TEK: variants seen among roughly 807,000 people sequenced by gnomAD.
TEK encodes the protein TEK receptor tyrosine kinase, also known as angiopoietin-1 receptor.
Under a neutral mutation model 131.8 loss-of-function variants are expected in TEK, and 43 were observed. The observed-to-expected ratio is 0.33, with a 90% CI of 0.26 to 0.42. The LOEUF (loss-of-function observed/expected upper bound fraction) is 0.42. TEK is among the 10% of genes least tolerant of loss of function. The pLI, the probability that TEK is intolerant of heterozygous loss-of-function variation, is 1.00. For synonymous variants in TEK, 580 were observed against 491.6 expected (o/e 1.18, Z -2.38); for missense variants, 1,162 against 1,384.4 (o/e 0.84, Z 2.55).
At chr9:27,221,672 C>T (rs1027719457) in intron 21 of TEK, among the ~76,000 whole-genome samples, 3 of 152,104 alleles carry the variant, frequency 2.0e-5, no homozygotes, top group African/African-American at 4.8e-5. Flanking sequence ...AGCACAGGGG[C>T]CTGACTATTA....
At chr9:27,135,027 C>T (rs976639580) in intron 1 of TEK, among the ~76,000 whole-genome samples, 22 of 152,126 alleles carry the variant, frequency 1.4e-4, no homozygotes, top group African/African-American at 5.3e-4. Flanking sequence ...GCGTTGAAGA[C>T]CAGCCTGCCC....
At chr9:27,172,866 TG>T in intron 5 of TEK, 119 bp downstream of exon 5, 1 of 1,362,470 alleles carries the variant, frequency 7.3e-7, no homozygotes, top group South Asian at 1.2e-5. Context: ...TTAGGTCAGA[TG>T]GTACCTGTGT....
chr9:27,206,936 C>A, intron 15 of TEK, 144 bp downstream of exon 15: 1 of 919,760 alleles, frequency 1.1e-6, no homozygotes, highest in Non-Finnish European at 1.7e-6. Flanking sequence ...GTTATGCTTC[C>A]TTTGAAGTTG....
At chr9:27,220,280 C>G (rs1826010135) in intron 21 of TEK, 135 bp downstream of exon 21, 10 of 750,344 alleles carry the variant, frequency 1.3e-5, no homozygotes, top group Admixed American at 2.1e-5. Context: ...AAATAGGAAC[C>G]CCTCCCCTTT....
At chr9:27,137,757 C>G (rs532294806) in intron 1 of TEK, among the ~76,000 whole-genome samples, 4 of 152,286 alleles carry the variant, frequency 2.6e-5, no homozygotes, top group African/African-American at 9.6e-5. Context: ...CTACCCACAC[C>G]TAAGAACATC....
At position 27,192,771 on chromosome 9, in the gene TEK, A is replaced by G. The variant is rs552738247; in HGVS notation, c.1624+148A>G. On this transcript the variant is annotated intron_variant, in intron 11 of 22. Transcript: ENST00000380036. ...GAGTTCGCTTTTGAATGGGTGGGAA[A>G]GTGACAGGAAGGCTAGCAACTTCAA... 5 of 833,114 alleles carry G rather than the reference A, an allele frequency of 6.0e-6. No individual in the cohort carries two copies. The East Asian group carries it at 1.3e-4, about 22-fold the overall frequency. 51.6% of individuals were successfully genotyped at this position (833,114 alleles called of 1,614,324 possible). A position where few individuals can be genotyped will look rare whatever the true frequency, so the allele number is the denominator to read the frequency against.
intron 2 of TEK, among the ~76,000 whole-genome samples, chr9:27,165,763 A>T (rs1823706181): frequency 6.6e-6 from 1 of 152,210 alleles, no homozygotes. Flanking sequence ...CAGCGCTCGC[A>T]CTGCTGGAAT....
chr9:27,177,682 G>A (rs1824221136), intron 6 of TEK, among the ~76,000 whole-genome samples: 1 of 152,168 alleles, frequency 6.6e-6, no homozygotes, highest in Non-Finnish European at 1.5e-5. Context: ...CCAGGGAGGT[G>A]GAGGTTGTGG....
At chr9:27,222,962 G>A (rs1291559090) in intron 21 of TEK, among the ~76,000 whole-genome samples, 1 of 152,064 alleles carries the variant, frequency 6.6e-6, no homozygotes, top group Non-Finnish European at 1.5e-5. Flanking sequence ...AAAAAAAGCA[G>A]GGGTTGCAAT....
chr9:27,192,308 CA>C (rs1412496280), intron 10 of TEK, among the ~76,000 whole-genome samples, 180 bp from the exon 11 acceptor site: 2 of 152,272 alleles, frequency 1.3e-5, no homozygotes, highest in Non-Finnish European at 2.9e-5. Context: ...GGAAACATTT[CA>C]AAAGCCTAAT....
intron 22 of TEK, among the ~76,000 whole-genome samples, chr9:27,228,800 C>T (rs1274272967): frequency 6.6e-6 from 1 of 151,358 alleles, no homozygotes; most frequent in Admixed American, 6.7e-5. Flanking sequence ...GGTAATTCAA[C>T]TAGAGATGCA....
intron 6 of TEK, 98 bp from the exon 7 acceptor site, chr9:27,180,142 T>G (rs1564079941): frequency 2.6e-6 from 4 of 1,561,656 alleles, no homozygotes; most frequent in Non-Finnish European, 8.8e-7. Context: ...ATCAGCAAAG[T>G]TGATGGCTTA....
chr9:27,112,119 G>A (rs926263397), intron 1 of TEK, among the ~76,000 whole-genome samples: 1 of 152,004 alleles, frequency 6.6e-6, no homozygotes, highest in African/African-American at 2.4e-5. Context: ...GGCTGGTCTC[G>A]AACTCCTGAC....
At chr9:27,120,115 C>T (rs567233796) in intron 1 of TEK, among the ~76,000 whole-genome samples, 10 of 152,268 alleles carry the variant, frequency 6.6e-5, no homozygotes, top group Middle Eastern at 3.4e-3. Flanking sequence ...TCGAAGAAGA[C>T]GGTGGTGGCA....
chr9:27,120,384 C>T lies in TEK; in HGVS notation c.52+10742C>T, dbSNP rs139553816. On this transcript the variant is annotated intron_variant, in intron 1 of 22. Coordinates refer to ENST00000380036, the MANE Select transcript of TEK (RefSeq NM_000459.5). ...AGGTTTAGCTCAGGTGTTATATCTT[C>T]TAAGAAGTCTTCTTTAACCTCCTCG... 3.9e-5 allele frequency among the ~76,000 whole-genome samples: 6 copies of T among 152,386 alleles called. No homozygotes were observed. The East Asian group carries it at 1.2e-3, about 29-fold the overall frequency.
intron 2 of TEK, among the ~76,000 whole-genome samples, chr9:27,160,410 G>C (rs925546786): frequency 6.6e-6 from 1 of 152,228 alleles, no homozygotes; most frequent in East Asian, 1.9e-4. Context: ...TCTGTAGTCT[G>C]CATTTTTTTT....
Position 27,173,345 on chromosome 9 carries a change from G to A in TEK, c.884G>A (p.Gly295Asp). The A allele has an allele frequency of 6.2e-7, 1 of 1,613,974 alleles. No individual in the cohort carries two copies. Among genetic ancestry groups the A allele is most frequent in the Non-Finnish European group, 8.5e-7 (1 of 1,179,898 alleles). The change falls in exon 6 of 23, where the codon GGT (glycine) becomes GAT (aspartate). Residue 295 changes from glycine to aspartate, a missense_variant. Transcript: ENST00000380036. Reference sequence around the variant, plus strand: ...TGTTCCTGTGCCACAGGCTGGAAGGGTCTGCAGTGCAATGAAGGTATGCAC... The same window carrying A: ...TGTTCCTGTGCCACAGGCTGGAAGGATCTGCAGTGCAATGAAGGTATGCAC... Reference protein sequence around the residue: ...YGCSCATGWKGLQCNEACHPG... With the variant: ...YGCSCATGWKDLQCNEACHPG...
chr9:27,146,192 G>A (rs761239019), intron 1 of TEK, among the ~76,000 whole-genome samples: 39 of 152,106 alleles, frequency 2.6e-4, no homozygotes, highest in Non-Finnish European at 5.3e-4. Context: ...TTTACAGTTT[G>A]TGGCTATATG....
chr9:27,194,454 T>A (rs1311520613), intron 11 of TEK, among the ~76,000 whole-genome samples: 1 of 152,072 alleles, frequency 6.6e-6, no homozygotes, highest in Non-Finnish European at 1.5e-5. Context: ...GTTGTGAATA[T>A]AAAAAATAAA....
Sources: allele counts gnomAD v4.1 joint callset (sites outside exome capture counted in the v4.1 genomes callset), GRCh38; gene constraint gnomAD v4.1.1; transcripts MANE v1.5; gene names NCBI Gene and HGNC (gene_info 2026-07-23, HGNC 2026-07-21).